Variants in DNER observed in about 807,000 individuals in gnomAD.
DNER encodes the protein delta and Notch-like epidermal growth factor-related receptor.
A neutral mutation model predicts 78.2 loss-of-function variants in DNER; 33 were observed. The observed-to-expected ratio is 0.42, with a 90% confidence interval of 0.32 to 0.56. The LOEUF (loss-of-function observed/expected upper bound fraction) is 0.56, where lower values mean the gene tolerates loss of function less well. Ranked by LOEUF, DNER falls within the 20% of genes least tolerant of loss-of-function variation. DNER has a pLI of 0.11. For missense variants in DNER, 918 were observed against 975.3 expected (o/e 0.94, Z 0.78); for synonymous variants, 417 against 384.8 (o/e 1.08, Z -0.98).
At chr2:229,611,600 A>C (rs1698049615) in intron 1 of DNER, among the ~76,000 whole-genome samples, 1 of 152,242 alleles carries the variant, frequency 6.6e-6, no homozygotes, top group Admixed American at 6.5e-5. Flanking sequence ...AAATTGATTG[A>C]AATCAACTAG....
intron 1 of DNER, among the ~76,000 whole-genome samples, chr2:229,680,714 C>A (rs1208368837): frequency 1.3e-5 from 2 of 152,184 alleles, no homozygotes; most frequent in African/African-American, 4.8e-5. Flanking sequence ...AGCTGTTTGA[C>A]AAAACTAATG....
chr2:229,621,605 T>C (rs568123402), intron 1 of DNER, among the ~76,000 whole-genome samples: 94 of 148,322 alleles, frequency 6.3e-4, no homozygotes, highest in African/African-American at 2.3e-3. Flanking sequence ...CCTCTTGAGC[T>C]CAGAAAGCCT....
At chr2:229,543,010 A>G (rs1696546222) in intron 5 of DNER, among the ~76,000 whole-genome samples, 2 of 152,190 alleles carry the variant, frequency 1.3e-5, no homozygotes, top group Non-Finnish European at 2.9e-5. Context: ...AGGGCAATAC[A>G]GAATCAATGA....
chr2:229,395,114 C>T (rs1031051318), intron 10 of DNER, among the ~76,000 whole-genome samples: 3 of 152,046 alleles, frequency 2.0e-5, no homozygotes, highest in Non-Finnish European at 4.4e-5. Flanking sequence ...TTTTGTGTTG[C>T]GTTACCTGAT....
At chr2:229,689,679 C>T (rs1237951103) in intron 1 of DNER, among the ~76,000 whole-genome samples, 2 of 152,130 alleles carry the variant, frequency 1.3e-5, no homozygotes, top group Non-Finnish European at 2.9e-5. Context: ...TGGGGAGGGG[C>T]AGATACCACC....
intron 11 of DNER, among the ~76,000 whole-genome samples, chr2:229,384,064 C>T (rs1173939324): frequency 6.6e-6 from 1 of 152,244 alleles, no homozygotes; most frequent in African/African-American, 2.4e-5. Context: ...AACAGTCTCT[C>T]AGACCACAGT....
At chr2:229,579,070 C>T (rs1697349953) in intron 4 of DNER, among the ~76,000 whole-genome samples, 1 of 152,180 alleles carries the variant, frequency 6.6e-6, no homozygotes, top group Admixed American at 6.5e-5. Context: ...GTGATGGTCA[C>T]TAGTCCATTT....
chr2:229,473,843 C>T (rs923519143), intron 7 of DNER, among the ~76,000 whole-genome samples: 21 of 152,186 alleles, frequency 1.4e-4, no homozygotes, highest in African/African-American at 4.6e-4. Flanking sequence ...ATTTGAGGCT[C>T]TGCTCAGACT....
chr2:229,593,487 C>T (rs1697646698), intron 1 of DNER, among the ~76,000 whole-genome samples: 1 of 152,236 alleles, frequency 6.6e-6, no homozygotes, highest in African/African-American at 2.4e-5. Context: ...TTCTTTACCC[C>T]TCTCCTACAA....
chr2:229,512,180 C>G (rs957260163), intron 6 of DNER, among the ~76,000 whole-genome samples: 1 of 152,046 alleles, frequency 6.6e-6, no homozygotes, highest in African/African-American at 2.4e-5. Flanking sequence ...GTCAGAAGTT[C>G]AAGACCAGCC....
In DNER at chr2:229,714,214, C is replaced by T. The variant is rs1407662761; in HGVS notation, c.210G>A (p.Pro70=). 1.4e-6 allele frequency: 2 copies of T among 1,389,076 alleles called. No homozygotes were observed. Among genetic ancestry groups the T allele is most frequent in the East Asian group, 3.1e-5 (1 of 32,744 alleles). 86.0% of individuals were successfully genotyped at this position (1,389,076 alleles called of 1,614,324 possible). ...TSRPEPDPQH[P]APAGEPGYSC... is the part of the protein sequence containing the mutation. ...TGTAGCCAGGCTCGCCGGCGGGGGC[C>T]GGGTGCTGCGGGTCCGGCTCAGGGC... The change falls in exon 1 of 13, where the codon CCG becomes CCA. Residue 70 remains proline (P), a synonymous_variant. Transcript: ENST00000341772.
At chr2:229,493,954 G>A (rs1430423085) in intron 6 of DNER, among the ~76,000 whole-genome samples, 1 of 152,166 alleles carries the variant, frequency 6.6e-6, no homozygotes, top group Non-Finnish European at 1.5e-5. Context: ...TAGATTCCAG[G>A]GCAGACAGTA....
chr2:229,371,111 A>G (rs1003274242), intron 11 of DNER, among the ~76,000 whole-genome samples: 4 of 152,188 alleles, frequency 2.6e-5, no homozygotes, highest in African/African-American at 9.7e-5. Flanking sequence ...CCTTTTCTTT[A>G]AAGCTAGATT....
intron 11 of DNER, among the ~76,000 whole-genome samples, chr2:229,381,800 C>A (rs764729545): frequency 6.6e-5 from 10 of 152,180 alleles, no homozygotes; most frequent in Non-Finnish European, 1.5e-4. Flanking sequence ...AGATAAAACT[C>A]CCATCTCCCT....
At chr2:229,481,466 A>G (rs1428154934) in intron 6 of DNER, among the ~76,000 whole-genome samples, 1 of 152,172 alleles carries the variant, frequency 6.6e-6, no homozygotes, top group Non-Finnish European at 1.5e-5. Flanking sequence ...TTAGACCCTC[A>G]GAGAGCAGAG....
chr2:229,525,377 G>T (rs1431560563), intron 5 of DNER, among the ~76,000 whole-genome samples: 2 of 152,092 alleles, frequency 1.3e-5, no homozygotes, highest in African/African-American at 4.8e-5. Context: ...CTGACATAAG[G>T]AATCACTGTA....
At chr2:229,686,885 C>T (rs1009086497) in intron 1 of DNER, among the ~76,000 whole-genome samples, 2 of 152,220 alleles carry the variant, frequency 1.3e-5, no homozygotes, top group African/African-American at 4.8e-5. Context: ...CACATCATAA[C>T]ACAATGTGTA....
At chr2:229,469,488 G>C (rs1694877074) in intron 7 of DNER, among the ~76,000 whole-genome samples, 2 of 152,312 alleles carry the variant, frequency 1.3e-5, no homozygotes, top group South Asian at 4.1e-4. Context: ...CCTTTAGGTA[G>C]CCACTAATAC....
intron 6 of DNER, among the ~76,000 whole-genome samples, chr2:229,506,489 T>A (rs1695748177): frequency 6.6e-6 from 1 of 151,560 alleles, no homozygotes. Context: ...TTCATATATT[T>A]GTAATGCAAA....
Sources: gnomAD v4.1 joint callset for allele counts (sites outside exome capture counted in the v4.1 genomes callset) on GRCh38, gnomAD v4.1.1 for gene constraint, MANE v1.5 for transcripts, NCBI Gene and HGNC (gene_info 2026-07-23, HGNC 2026-07-21) for gene names.